Variants in MTUS2 observed in about 807,000 individuals in gnomAD.
MTUS2 encodes the protein microtubule associated scaffold protein 2.
A neutral mutation model predicts 114.1 loss-of-function variants in MTUS2; 40 were observed. That is an observed-to-expected ratio of 0.35 (90% CI 0.27 to 0.46). The LOEUF (loss-of-function observed/expected upper bound fraction) is 0.46, where lower values mean the gene tolerates loss of function less well. Among genes scored for constraint, MTUS2 ranks in the 20% least tolerant of loss-of-function variants. The probability of loss-of-function intolerance (pLI) is 1.00; values close to 1 mark genes in which losing one functional copy is unlikely to be tolerated. For missense variants in MTUS2, 1,679 were observed against 1,705.4 expected (o/e 0.98, Z 0.27); for synonymous variants, 688 against 672.0 (o/e 1.02, Z -0.37).
chr13:29,103,662 G>A (rs551751837), intron 5 of MTUS2, among the ~76,000 whole-genome samples: 5 of 152,244 alleles, frequency 3.3e-5, no homozygotes, highest in East Asian at 3.9e-4. Flanking sequence ...CACCACAAAC[G>A]TGAGTAATGT....
chr13:29,205,267 A>G (rs1895134277), intron 5 of MTUS2, among the ~76,000 whole-genome samples: 2 of 152,188 alleles, frequency 1.3e-5, no homozygotes, highest in Admixed American at 1.3e-4. Flanking sequence ...CTCCTAAGAA[A>G]ATGGAGAGTT....
At chr13:29,085,127 A>G (rs1019608402) in intron 4 of MTUS2, among the ~76,000 whole-genome samples, 2 of 152,172 alleles carry the variant, frequency 1.3e-5, no homozygotes, top group African/African-American at 4.8e-5. Flanking sequence ...GCCATGTGAC[A>G]TGCAGGCTTC....
chr13:29,392,221 C>T (rs1335420802), intron 8 of MTUS2, among the ~76,000 whole-genome samples: 1 of 151,950 alleles, frequency 6.6e-6, no homozygotes, highest in Non-Finnish European at 1.5e-5. Flanking sequence ...AATAACTCCC[C>T]ATTCCCCTCT....
chr13:29,088,760 A>G (rs1015027127), intron 4 of MTUS2, among the ~76,000 whole-genome samples: 1 of 152,048 alleles, frequency 6.6e-6, no homozygotes. Context: ...ATCATAGTCT[A>G]TTTTTTTCTA....
chr13:28,967,097 CT>C (rs1403965208), intron 2 of MTUS2, among the ~76,000 whole-genome samples: 2 of 152,218 alleles, frequency 1.3e-5, no homozygotes, highest in African/African-American at 4.8e-5. Flanking sequence ...AGGCACTATA[CT>C]TGCAATGTGT....
chr13:28,887,847 T>C (rs535958155), intron 2 of MTUS2, among the ~76,000 whole-genome samples: 44 of 152,290 alleles, frequency 2.9e-4, no homozygotes, highest in Admixed American at 3.9e-4. Flanking sequence ...TCTTACCTCC[T>C]TCATGACATC....
chr13:29,284,921 A>G (rs1453110174), intron 6 of MTUS2, among the ~76,000 whole-genome samples: 2 of 152,192 alleles, frequency 1.3e-5, no homozygotes, highest in Non-Finnish European at 2.9e-5. Context: ...TGGACTTCCC[A>G]GTAGAGGGAG....
intron 5 of MTUS2, among the ~76,000 whole-genome samples, chr13:29,139,961 A>C (rs1022169334): frequency 1.3e-5 from 2 of 152,184 alleles, no homozygotes; most frequent in African/African-American, 4.8e-5. Flanking sequence ...CCCTGTAGTC[A>C]GCAACGTTTT....
chr13:29,387,718 A>C (rs1872724771), intron 8 of MTUS2, among the ~76,000 whole-genome samples: 1 of 152,146 alleles, frequency 6.6e-6, no homozygotes, highest in Non-Finnish European at 1.5e-5. Flanking sequence ...GCCTTGGTGA[A>C]AGATTAGTTA....
chr13:29,012,001 T>G (rs2138424532), intron 2 of MTUS2, among the ~76,000 whole-genome samples: 1 of 152,348 alleles, frequency 6.6e-6, no homozygotes, highest in South Asian at 2.1e-4. Flanking sequence ...TGCAGGCTTT[T>G]GAGCTGTAAG....
At chr13:29,373,094 G>GAAAGAGCT (rs1410893396) in intron 8 of MTUS2, among the ~76,000 whole-genome samples, 1 of 152,204 alleles carries the variant, frequency 6.6e-6, no homozygotes, top group Non-Finnish European at 1.5e-5. Flanking sequence ...GACCTGGACA[G>GAAAGAGCT]AAAGAGCTCC....
rs1474770284 is a variant in MTUS2, at chr13:29,505,355, C to CT, written c.*2150dup. On this transcript the variant is annotated 3_prime_UTR_variant, in exon 16 of 16. Coordinates refer to ENST00000612955, the MANE Select transcript of MTUS2 (RefSeq NM_001033602.4). ...GGTCAGAGTTGTAGCATCGTTAGCA[C>CT]TAAGTAATTCCTCATTAGGTGGACT... is the stretch of plus-strand genomic sequence containing the variant. 2.2e-5 allele frequency: 5 copies of CT among 231,618 alleles called. No homozygotes were observed. Among genetic ancestry groups the CT allele is most frequent in the Non-Finnish European group, 3.4e-5 (4 of 116,810 alleles). The allele number at this position is 231,618 out of a possible 1,614,324, so 14.3% of individuals were successfully genotyped here.
chr13:29,433,040 C>CT (rs1877126120), intron 8 of MTUS2, among the ~76,000 whole-genome samples: 2 of 152,156 alleles, frequency 1.3e-5, no homozygotes, highest in African/African-American at 4.8e-5. Flanking sequence ...GCTAATTCTC[C>CT]CTTCTCCTGC....
intron 2 of MTUS2, among the ~76,000 whole-genome samples, chr13:28,892,875 C>T (rs936614779): frequency 6.6e-6 from 1 of 152,158 alleles, no homozygotes. Context: ...TGAGAGTTCA[C>T]AGGAAGGAGG....
At chr13:28,894,288 G>GA in intron 2 of MTUS2, among the ~76,000 whole-genome samples, 1 of 20,976 alleles carries the variant, frequency 4.8e-5, no homozygotes, top group African/African-American at 2.9e-4. Flanking sequence ...GTGGGGGGGG[G>GA]GGAGAGAGAG....
chr13:29,441,944 C>T (rs1877913107), intron 9 of MTUS2, among the ~76,000 whole-genome samples: 1 of 152,228 alleles, frequency 6.6e-6, no homozygotes, highest in Admixed American at 6.5e-5. Flanking sequence ...AGACCCCCTT[C>T]TCCACTCACC....
chr13:29,090,898 G>A (rs1889914447), intron 4 of MTUS2, among the ~76,000 whole-genome samples: 2 of 152,186 alleles, frequency 1.3e-5, no homozygotes, highest in Non-Finnish European at 2.9e-5. Flanking sequence ...ACCTCTCCAG[G>A]CAGTTCTCCC....
intron 2 of MTUS2, among the ~76,000 whole-genome samples, chr13:28,982,888 G>A (rs934262585): frequency 6.6e-6 from 1 of 152,160 alleles, no homozygotes; most frequent in African/African-American, 2.4e-5. Context: ...AGCAACATGG[G>A]GGAATTGTTT....
At chr13:29,101,044 T>C in intron 5 of MTUS2, 74 bp downstream of exon 5, 2 of 1,390,796 alleles carry the variant, frequency 1.4e-6, no homozygotes, top group Non-Finnish European at 1.9e-6. Context: ...GTGTGTCATT[T>C]TCTTTGCATG....
Sources: gnomAD v4.1 joint callset for allele counts (sites outside exome capture counted in the v4.1 genomes callset) on GRCh38, gnomAD v4.1.1 for gene constraint, MANE v1.5 for transcripts, NCBI Gene and HGNC (gene_info 2026-07-23, HGNC 2026-07-21) for gene names.